Variants in PCDHA8 observed in about 807,000 individuals in gnomAD.
PCDHA8 encodes protocadherin alpha-8.
In PCDHA8, 53 loss-of-function variants were observed where a neutral mutation model predicts 61.8. The observed-to-expected ratio is 0.86, with a 90% confidence interval of 0.69 to 1.08. The LOEUF (loss-of-function observed/expected upper bound fraction) is 1.08. Ranked by LOEUF, PCDHA8 falls within the 50% of genes least tolerant of loss-of-function variation. PCDHA8 has a pLI of 0.00. For synonymous variants in PCDHA8, 618 were observed against 556.6 expected, an observed-to-expected ratio of 1.11 and a Z score of -1.55; for missense variants, 1,293 against 1,245.0, an observed-to-expected ratio of 1.04 and a Z score of -0.58.
intron 1 of PCDHA8, among the ~76,000 whole-genome samples, chr5:140,888,156 A>G (rs556908449): frequency 6.6e-6 from 1 of 152,182 alleles, no homozygotes; most frequent in African/African-American, 2.4e-5. Flanking sequence ...CATGACTGGT[A>G]ATCTCTAATA....
chr5:140,842,721 A>T lies in PCDHA8; in HGVS notation c.1400A>T (p.Asn467Ile), dbSNP rs1554139308. 4 of 1,594,916 alleles carry T rather than the reference A, an allele frequency of 2.5e-6. No individual in the cohort carries two copies. In the South Asian group the frequency reaches 4.4e-5, roughly 18 times the overall value. The change falls in exon 1 of 4, where the codon AAC becomes ATC. Residue 467 changes from asparagine (N) to isoleucine (I), a missense_variant. Coordinates refer to ENST00000531613, the MANE Select transcript of PCDHA8 (RefSeq NM_018911.3). Reference sequence around the variant, plus strand: ...GAGTACACGGTGTTCGTGAAGGAGAACAACCCGCCGGGCTGCCACATCTTC... The same window carrying T: ...GAGTACACGGTGTTCGTGAAGGAGATCAACCCGCCGGGCTGCCACATCTTC... Reference protein sequence around the residue: ...QPEYTVFVKENNPPGCHIFTV... With the variant: ...QPEYTVFVKEINPPGCHIFTV...
chr5:140,856,211 C>G (rs374070531), intron 1 of PCDHA8: 1 of 1,598,094 alleles, frequency 6.3e-7, no homozygotes, highest in South Asian at 1.1e-5. Flanking sequence ...GGGGCTGGAG[C>G]TGGCGGAGCT....
intron 3 of PCDHA8, among the ~76,000 whole-genome samples, chr5:141,002,136 G>C (rs2153972972): frequency 6.6e-6 from 1 of 152,374 alleles, no homozygotes; most frequent in East Asian, 1.9e-4. Flanking sequence ...GCCTTTGCCG[G>C]CTGCACTGAC....
intron 1 of PCDHA8, among the ~76,000 whole-genome samples, chr5:140,924,406 C>T (rs1353288147): frequency 6.6e-6 from 1 of 152,132 alleles, no homozygotes; most frequent in Non-Finnish European, 1.5e-5. Context: ...CCTTATATCA[C>T]AGTGTGCCCT....
chr5:140,920,054 C>A (rs1332238212), intron 1 of PCDHA8, among the ~76,000 whole-genome samples: 1 of 152,150 alleles, frequency 6.6e-6, no homozygotes, highest in Non-Finnish European at 1.5e-5. Context: ...CAGCCACCAA[C>A]ACCTGGAAAA....
At chr5:140,969,923 A>G (rs1270842223) in intron 1 of PCDHA8, among the ~76,000 whole-genome samples, 3 of 152,234 alleles carry the variant, frequency 2.0e-5, no homozygotes, top group Non-Finnish European at 4.4e-5. Flanking sequence ...AAGCTGTAGT[A>G]TTTAGACATC....
intron 1 of PCDHA8, among the ~76,000 whole-genome samples, chr5:140,913,707 A>T (rs1355291016): frequency 6.6e-6 from 1 of 152,120 alleles, no homozygotes; most frequent in Non-Finnish European, 1.5e-5. Flanking sequence ...CAATGTAGGC[A>T]ATTACAGCTA....
chr5:140,876,791 G>A (rs782617794), intron 1 of PCDHA8: 1 of 1,614,242 alleles, frequency 6.2e-7, no homozygotes, highest in Non-Finnish European at 8.5e-7. Context: ...GCCACGGCTA[G>A]AGTGTCCGTG....
In PCDHA8 at chr5:140,914,736, T is replaced by C. The variant is rs76155363; in HGVS notation, c.2395-64213T>C. Among the ~76,000 whole-genome samples, 1,216 of 152,300 alleles carry C rather than the reference T, an allele frequency of 8.0e-3. 6 individuals are homozygous for C. Among genetic ancestry groups the C allele is most frequent in the African/African-American group, 0.019 (785 of 41,570 alleles). On this transcript the variant is annotated intron_variant, in intron 1 of 3. Transcript: ENST00000531613. ...TTTTTTATTTTTTGTGTATCCATTG[T>C]ATGTTTTTCCATTTGAGGTTACATG...
intron 1 of PCDHA8, among the ~76,000 whole-genome samples, chr5:140,845,317 T>C (rs1779816111): frequency 6.7e-6 from 1 of 149,682 alleles, no homozygotes; most frequent in Non-Finnish European, 1.5e-5. Context: ...TCTCAGGTAT[T>C]ACTTTAATTA....
intron 1 of PCDHA8, chr5:140,968,053 A>C: frequency 6.2e-7 from 1 of 1,614,154 alleles, no homozygotes; most frequent in Non-Finnish European, 8.5e-7. Flanking sequence ...CACTGGACCG[A>C]GAGCGGGTGG....
In PCDHA8 at chr5:140,876,830, C is replaced by T. The variant is rs199585768; in HGVS notation, c.2394+33115C>T. The T allele has an allele frequency of 3.4e-4, 552 of 1,614,204 alleles. 1 individual carries two copies. Among genetic ancestry groups the T allele is most frequent in the South Asian group, 1.5e-3 (138 of 91,090 alleles). On this transcript the variant is annotated intron_variant, in intron 1 of 3. Coordinates refer to ENST00000531613, the MANE Select transcript of PCDHA8 (RefSeq NM_018911.3). ...GTGGCCGACGTGAACGACAATGCGC[C>T]TGCGTTCGCGCAGCCCGAGTACACA...
intron 1 of PCDHA8, chr5:140,882,953 C>T: frequency 3.7e-6 from 6 of 1,614,184 alleles, no homozygotes; most frequent in East Asian, 2.2e-5. Flanking sequence ...AGTTCAGCTG[C>T]TCATCACGAT....
intron 1 of PCDHA8, chr5:140,884,065 C>G (rs377441374): frequency 1.1e-5 from 17 of 1,613,346 alleles, no homozygotes; most frequent in Admixed American, 6.7e-5. Flanking sequence ...CGGTGGACGC[C>G]GATTCGGGCT....
At chr5:140,964,792 C>T (rs183206526) in intron 1 of PCDHA8, among the ~76,000 whole-genome samples, 5 of 151,738 alleles carry the variant, frequency 3.3e-5, no homozygotes, top group African/African-American at 7.3e-5. Context: ...AAGCCAGAGA[C>T]CCAAGAAAGG....
intron 1 of PCDHA8, chr5:140,848,328 G>C (rs1554142059): frequency 1.2e-6 from 1 of 817,064 alleles, no homozygotes; most frequent in African/African-American, 1.7e-5. Context: ...TGTTCTCTCT[G>C]AATCCAGACA....
rs571391051 is a variant in PCDHA8 at position 140,964,645 on chromosome 5, A to G, written c.2395-14304A>G. Among the ~76,000 whole-genome samples the G allele has an allele frequency of 4.6e-5, 7 of 152,152 alleles. No individual in the cohort carries two copies. The East Asian group carries it at 7.7e-4, about 17-fold the overall frequency. ...TATAAGCCATTTATTTTCAGAAACA[A>G]GTAATGGGTGAGGACACAGGCCAGG... is the stretch of plus-strand genomic sequence containing the variant. On this transcript the variant is annotated intron_variant, in intron 1 of 3. Coordinates refer to ENST00000531613, the MANE Select transcript of PCDHA8 (RefSeq NM_018911.3).
rs2150350980 is a variant in PCDHA8 at position 140,843,047 on chromosome 5, G to A, written c.1726G>A (p.Ala576Thr). The change falls in exon 1 of 4, where the codon GCA becomes ACA. Residue 576 changes from alanine to threonine, a missense_variant. Coordinates refer to ENST00000531613, the MANE Select transcript of PCDHA8 (RefSeq NM_018911.3). ...GCCTCGGGTGGGTGGCACTGGTGGC[G>A]CAGCGAGCAAGCTGGTGCCGCGGTC... ...LEPRVGGTGG[A>T]ASKLVPRSVG... 9.4e-6 allele frequency: 15 copies of A among 1,595,052 alleles called. 2 individuals carry two copies. The highest frequency in any genetic ancestry group is 1.2e-5 in the Non-Finnish European group (14 of 1,165,268).
At chr5:140,886,555 C>T (rs1441725788) in intron 1 of PCDHA8, among the ~76,000 whole-genome samples, 3 of 151,830 alleles carry the variant, frequency 2.0e-5, no homozygotes, top group Non-Finnish European at 4.4e-5. Context: ...CAGCTGGGCA[C>T]GGTGGCTCAC....
Sources: gnomAD v4.1 joint callset for allele counts (sites outside exome capture counted in the v4.1 genomes callset) on GRCh38, gnomAD v4.1.1 for gene constraint, MANE v1.5 for transcripts, NCBI Gene and HGNC (gene_info 2026-07-23, HGNC 2026-07-21) for gene names.